The following MYT1L variants were observed in gnomAD, a reference collection of about 807,000 sequenced individuals.
The protein encoded by MYT1L is myelin transcription factor 1-like protein.
In MYT1L, 12 loss-of-function variants were observed where a neutral mutation model predicts 126.7. The ratio of observed to expected loss-of-function variants is 0.09; its 90% CI spans 0.06 to 0.15. The LOEUF is 0.15. MYT1L is among the 10% of genes least tolerant of loss of function. MYT1L has a pLI of 1.00. For synonymous variants in MYT1L, 541 were observed against 604.2 expected (o/e 0.90, Z 1.53); for missense variants, 979 against 1,585.2 (o/e 0.62, Z 6.49).
At chr2:2,121,666 T>G (rs1474543093) in intron 3 of MYT1L, among the ~76,000 whole-genome samples, 1 of 151,996 alleles carries the variant, frequency 6.6e-6, no homozygotes. Context: ...TTTGTATTTT[T>G]GGTAGAGACG....
At chr2:2,329,275 C>A (rs2096270262) in intron 1 of MYT1L, among the ~76,000 whole-genome samples, 1 of 147,372 alleles carries the variant, frequency 6.8e-6, no homozygotes, top group Non-Finnish European at 1.5e-5. Context: ...AAGGAAGAAT[C>A]CAACCAAGAT....
At chr2:2,181,640 C>G (rs569580642) in intron 2 of MYT1L, among the ~76,000 whole-genome samples, 1 of 152,138 alleles carries the variant, frequency 6.6e-6, no homozygotes, top group East Asian at 1.9e-4. Flanking sequence ...GAGTTGACCA[C>G]GTGGAAGCGC....
intron 2 of MYT1L, among the ~76,000 whole-genome samples, chr2:2,184,208 TAATA>T (rs748511981): frequency 2.6e-4 from 39 of 152,314 alleles, no homozygotes; most frequent in Non-Finnish European, 5.3e-4. Context: ...AAGGAATCAC[TAATA>T]AATCATACTG....
chr2:2,319,201 A>T (rs1317779248), intron 1 of MYT1L: 2 of 152,148 alleles, frequency 1.3e-5, no homozygotes, highest in African/African-American at 4.8e-5. Context: ...GACACAGGGG[A>T]TCTTCCTGTT....
At chr2:2,203,717 A>C (rs897492316) in intron 2 of MYT1L, among the ~76,000 whole-genome samples, 3 of 152,190 alleles carry the variant, frequency 2.0e-5, no homozygotes, top group Admixed American at 6.6e-5. Flanking sequence ...TGCCATCCCC[A>C]TCAAGATACC....
At chr2:2,122,988 A>G (rs59293755) in intron 3 of MYT1L, among the ~76,000 whole-genome samples, 14,466 of 151,994 alleles carry the variant, frequency 0.095, 874 homozygotes, top group African/African-American at 0.17. Flanking sequence ...GCAGTCACAC[A>G]GGGTGAGGGA....
rs989507853 is a variant in MYT1L at position 1,887,408 on chromosome 2, A to G, written c.2642+80T>C. 14 of 1,584,000 alleles carry G rather than the reference A, an allele frequency of 8.8e-6. No homozygotes were observed. The African/African-American group carries it at 1.8e-4, about 20-fold the overall frequency. ...GTCGCATGCTCAAACGGCAAGGCAT[A>G]TACAGATCCAGTTTTAAAAAATCAG... On this transcript the variant is annotated intron_variant, in intron 17 of 24. Transcript: ENST00000647738. The surrounding 1 kb of genome is among the most constrained non-coding windows in gnomAD (Gnocchi z 4.8).
intron 1 of MYT1L, among the ~76,000 whole-genome samples, chr2:2,295,565 C>CAGAGAGAGAGAGATAGAGAGACAGACAG (rs2095660715): frequency 3.0e-5 from 1 of 33,836 alleles, no homozygotes; most frequent in Non-Finnish European, 5.7e-5. Flanking sequence ...GACAGACAGA[C>CAGAGAGAGAGAGATAGAGAGACAGACAG]AGAGAGAGAG....
chr2:1,898,931 AG>A (rs1177926927), intron 14 of MYT1L, among the ~76,000 whole-genome samples: 1 of 152,224 alleles, frequency 6.6e-6, no homozygotes, highest in Non-Finnish European at 1.5e-5. Flanking sequence ...CCAGGCAGTC[AG>A]GGGAGTTGTC....
intron 1 of MYT1L, among the ~76,000 whole-genome samples, chr2:2,322,452 G>T (rs1282463020): frequency 6.6e-6 from 1 of 152,108 alleles, no homozygotes; most frequent in Non-Finnish European, 1.5e-5. Flanking sequence ...TTTCAGACAG[G>T]TGCACATCAC....
chr2:2,209,995 A>G (rs2148895046), intron 2 of MYT1L, among the ~76,000 whole-genome samples: 1 of 152,324 alleles, frequency 6.6e-6, no homozygotes, highest in East Asian at 1.9e-4. Context: ...AAGTGGGGTA[A>G]GATGAGATCT....
chr2:2,131,880 A>G (rs115993251), intron 3 of MYT1L, among the ~76,000 whole-genome samples: 11 of 149,718 alleles, frequency 7.3e-5, no homozygotes, highest in African/African-American at 2.7e-4. Flanking sequence ...CTAATTCTGG[A>G]AGGGGACATG....
At chr2:2,005,033 T>C (rs2063064069) in intron 4 of MYT1L, among the ~76,000 whole-genome samples, 1 of 151,582 alleles carries the variant, frequency 6.6e-6, no homozygotes, top group South Asian at 2.1e-4. Flanking sequence ...CCTTCTTTCC[T>C]GCAGGCGTTC....
intron 2 of MYT1L, among the ~76,000 whole-genome samples, chr2:2,178,131 T>G (rs1174760197): frequency 6.6e-6 from 1 of 152,192 alleles, no homozygotes; most frequent in Admixed American, 6.5e-5. Context: ...AGAAAATCCA[T>G]GTAACATTTA....
chr2:2,153,040 G>T lies in MYT1L; in HGVS notation c.-304+19832C>A, dbSNP rs139313520. The stretch of plus-strand genomic sequence containing the variant: ...GGTCCAGGCATCATGGCTTGTGCCT[G>T]TAATCTCAGCACTTTGGGAGACTAA... On this transcript the variant is annotated intron_variant, in intron 3 of 24. Coordinates refer to ENST00000647738, the MANE Select transcript of MYT1L (RefSeq NM_001303052.2). Among the ~76,000 whole-genome samples, 227 of 152,324 alleles carry T rather than the reference G, an allele frequency of 1.5e-3. 2 individuals are homozygous for T. Among genetic ancestry groups the T allele is most frequent in the African/African-American group, 5.1e-3 (211 of 41,576 alleles).
Position 2,307,773 on chromosome 2 carries a change from T to C in MYT1L, c.-521+23194A>G, listed in dbSNP as rs187831334. On this transcript the variant is annotated intron_variant, in intron 1 of 24. Coordinates refer to ENST00000647738, the MANE Select transcript of MYT1L (RefSeq NM_001303052.2). ...TACTCTCTCTATATTCCACCTATGC[T>C]TCAGTACACTCTATCTATACTCCAC... Among the ~76,000 whole-genome samples, 7 of 150,168 alleles carry C rather than the reference T, an allele frequency of 4.7e-5. No homozygotes were observed. The East Asian group carries it at 1.4e-3, about 29-fold the overall frequency.
intron 19 of MYT1L, among the ~76,000 whole-genome samples, chr2:1,850,524 T>C (rs974222077): frequency 1.3e-5 from 2 of 152,154 alleles, no homozygotes; most frequent in Non-Finnish European, 2.9e-5. Flanking sequence ...CAGCATGTAG[T>C]GGATTCGCCT....
chr2:1,991,432 A>T (rs1174619205), intron 5 of MYT1L, among the ~76,000 whole-genome samples: 1 of 151,992 alleles, frequency 6.6e-6, no homozygotes, highest in South Asian at 2.1e-4. Context: ...AGACTCTGGG[A>T]TTACAGGTGC....
chr2:2,279,568 T>TGAATGAAGGAAG (rs1553619877), intron 2 of MYT1L, among the ~76,000 whole-genome samples: 3 of 144,970 alleles, frequency 2.1e-5, no homozygotes, highest in South Asian at 2.3e-4. Context: ...AATGAATGAA[T>TGAATGAAGGAAG]GAAGGAAGGA....
Sources: gnomAD v4.1 joint callset for allele counts (sites outside exome capture counted in the v4.1 genomes callset) on GRCh38, gnomAD v4.1.1 for gene constraint, Gnocchi (gnomAD v3.1) non-coding constraint, MANE v1.5 for transcripts, NCBI Gene and HGNC (gene_info 2026-07-23, HGNC 2026-07-21) for gene names.